Variants in ZNF460 observed in about 807,000 individuals in gnomAD.
ZNF460 encodes zinc finger protein 460.
Under a neutral mutation model 8.4 loss-of-function variants are expected in ZNF460, and 1 was observed. The observed-to-expected ratio is 0.12, with a 90% CI of 0.04 to 0.56. The LOEUF is 0.56. Ranked by LOEUF, ZNF460 falls within the 20% of genes least tolerant of loss-of-function variation. The probability of loss-of-function intolerance (pLI) is 0.91; values close to 1 mark genes in which losing one functional copy is unlikely to be tolerated. For synonymous variants in ZNF460, 262 were observed against 259.9 expected (o/e 1.01, Z -0.08); for missense variants, 477 against 714.8 (o/e 0.67, Z 3.79).
intron 2 of ZNF460, among the ~76,000 whole-genome samples, chr19:57,285,864 C>T (rs937806392): frequency 2.6e-5 from 4 of 152,266 alleles, no homozygotes; most frequent in Middle Eastern, 3.4e-3. Flanking sequence ...TGGCACCACA[C>T]GGGGGTGTTC....
chr19:57,290,526 C>T (rs921067232), intron 2 of ZNF460, among the ~76,000 whole-genome samples, 173 bp from the exon 3 acceptor site: 1 of 151,880 alleles, frequency 6.6e-6, no homozygotes, highest in African/African-American at 2.4e-5. Context: ...GATCCGCCTG[C>T]CTTGGCCTCC....
rs1451191791 is a variant in ZNF460, at chr19:57,293,884, A to C, written c.*1654A>C. 1 of 152,134 alleles carries C rather than the reference A, an allele frequency of 6.6e-6. No individual in the cohort carries two copies. Among genetic ancestry groups the C allele is most frequent in the Non-Finnish European group, 1.5e-5 (1 of 68,018 alleles). The allele number at this position is 152,134 out of a possible 1,614,324, so 9.4% of individuals were successfully genotyped here. A position where few individuals can be genotyped will look rare whatever the true frequency, so the allele number is the denominator to read the frequency against. On this transcript the variant is annotated 3_prime_UTR_variant, in exon 3 of 3. Coordinates refer to ENST00000360338, the MANE Select transcript of ZNF460 (RefSeq NM_006635.4). ...TTTCTGTGTCTAGCTTATTTCACTT[A>C]ATGTCTTTCAAGCTCATTCATGTTG...
At chr19:57,289,595 TAGA>T (rs1202303621) in intron 2 of ZNF460, among the ~76,000 whole-genome samples, 1 of 152,172 alleles carries the variant, frequency 6.6e-6, no homozygotes, top group East Asian at 1.9e-4. Flanking sequence ...AAGCTTATGA[TAGA>T]GTGTCATCAT....
At chr19:57,286,820 C>T (rs2087882459) in intron 2 of ZNF460, among the ~76,000 whole-genome samples, 1 of 151,916 alleles carries the variant, frequency 6.6e-6, no homozygotes, top group Admixed American at 6.6e-5. Flanking sequence ...AACAATTAGC[C>T]AGGCGTGGCG....
chr19:57,284,441 G>C, intron 1 of ZNF460, 110 bp from the exon 2 acceptor site: 2 of 1,393,134 alleles, frequency 1.4e-6, no homozygotes, highest in East Asian at 4.8e-5. Flanking sequence ...GAGGTGCTTG[G>C]TGATTTGGCC....
At chr19:57,283,944 C>T (rs2087860700) in intron 1 of ZNF460, among the ~76,000 whole-genome samples, 1 of 152,064 alleles carries the variant, frequency 6.6e-6, no homozygotes, top group Non-Finnish European at 1.5e-5. Flanking sequence ...GAGTCTGGCT[C>T]CTGAGCTGGG....
chr19:57,290,395 A>G (rs2087908321), intron 2 of ZNF460, among the ~76,000 whole-genome samples: 1 of 151,886 alleles, frequency 6.6e-6, no homozygotes, highest in South Asian at 2.1e-4. Flanking sequence ...CTCCTGTCTC[A>G]GCCTCCCCAG....
intron 1 of ZNF460, chr19:57,282,048 G>A (rs2087844334): frequency 6.6e-6 from 1 of 152,228 alleles, no homozygotes; most frequent in East Asian, 1.9e-4. Flanking sequence ...GAGACCTAAA[G>A]TAACCTTTGC....
rs113172062 is a variant in ZNF460 at position 57,288,833 on chromosome 19, C to G, written c.158-1866C>G. Reference sequence around the variant, plus strand: ...CTTCATCAGTTATCTCATAGCCCATCCTTTTTACTCTTACATACTCTCCAA... The same window carrying G: ...CTTCATCAGTTATCTCATAGCCCATGCTTTTTACTCTTACATACTCTCCAA... On this transcript the variant is annotated intron_variant, in intron 2 of 2. Transcript: ENST00000360338. 7.5e-3 allele frequency among the ~76,000 whole-genome samples: 1,141 copies of G among 151,790 alleles called. 5 individuals carry two copies. The highest frequency in any genetic ancestry group is 0.012 in the Non-Finnish European group (839 of 67,946).
rs1352833581 is a variant in ZNF460, at chr19:57,293,111, T to TCCAG, written c.*882_*885dup. 6.6e-6 allele frequency: 1 copy of TCCAG among 152,244 alleles called. No homozygotes were observed. Among genetic ancestry groups the TCCAG allele is most frequent in the Non-Finnish European group, 1.5e-5 (1 of 68,048 alleles). The allele number at this position is 152,244 out of a possible 1,614,324, so 9.4% of individuals were successfully genotyped here. A position where few individuals can be genotyped will look rare whatever the true frequency, so the allele number is the denominator to read the frequency against. On this transcript the variant is annotated 3_prime_UTR_variant, in exon 3 of 3. Transcript: ENST00000360338. The stretch of plus-strand genomic sequence containing the variant: ...TTGTAGCTGTTTGTACATAATGTAA[T>TCCAG]CCAGGGAGTCCTAATTCTTCCCTCT...
chr19:57,289,412 ACT>A lies in ZNF460; in HGVS notation c.158-1284_158-1283del, dbSNP rs769321139. On this transcript the variant is annotated intron_variant, in intron 2 of 2. Coordinates refer to ENST00000360338, the MANE Select transcript of ZNF460 (RefSeq NM_006635.4). ...CTGCAGTCCTCTGGATTCGCTGAAG[ACT>A]CTGTGTCTTTGTATATTCTATGTCC... 6.6e-5 allele frequency among the ~76,000 whole-genome samples: 10 copies of A among 151,864 alleles called. No homozygotes were observed. In the East Asian group the frequency reaches 1.9e-3, roughly 29 times the overall value.
At position 57,291,879 on chromosome 19, in the gene ZNF460, G is replaced by A. The variant is rs2087920406; in HGVS notation, c.1338G>A (p.Lys446=). 6.2e-7 allele frequency: 1 copy of A among 1,614,044 alleles called. No individual in the cohort carries two copies. Among genetic ancestry groups the A allele is most frequent in the Admixed American group, 1.7e-5 (1 of 60,002 alleles). The change falls in exon 3 of 3, where the codon AAG becomes AAA. Residue 446 remains lysine (K), a synonymous_variant. Transcript: ENST00000360338. The surrounding 1 kb of genome is among the most constrained non-coding windows in gnomAD (Gnocchi z 8.4). Reference sequence around the variant, plus strand: ...ACCAGTGGATTCATACTGGAGAGAAGCCGTATGTATGCATCCAATGTGGGA... The same window carrying A: ...ACCAGTGGATTCATACTGGAGAGAAACCGTATGTATGCATCCAATGTGGGA... The part of the protein sequence containing the change: ...TRHQWIHTGE[K]PYVCIQCGKA...
rs531411071 is a variant in ZNF460, at chr19:57,291,857, A to T, written c.1316A>T (p.Gln439Leu). The change falls in exon 3 of 3, where the codon CAG (glutamine) becomes CTG (leucine). Residue 439 changes from glutamine to leucine, a missense_variant. Around this residue, in one of 5 missense-constraint regions of ZNF460, gnomAD observed 193 missense variants for 391.7 expected, o/e 0.49. Transcript: ENST00000360338. This position sits in a 1 kb window ranked among gnomAD's most constrained non-coding sequence, Gnocchi z 8.4. The part of the protein sequence containing the change: ...FTRMSGLTRH[Q>L]WIHTGEKPYV... ...CGCATGTCAGGGCTCACAAGGCACC[A>T]GTGGATTCATACTGGAGAGAAGCCG... 1 of 1,614,210 alleles carries T rather than the reference A, an allele frequency of 6.2e-7. No individual in the cohort carries two copies. Among genetic ancestry groups the T allele is most frequent in the South Asian group, 1.1e-5 (1 of 91,086 alleles).
At position 57,280,712 on chromosome 19, in the gene ZNF460, G is replaced by A; in HGVS notation, c.-95G>A. On this transcript the variant is annotated 5_prime_UTR_variant, in exon 1 of 3. Coordinates refer to ENST00000360338, the MANE Select transcript of ZNF460 (RefSeq NM_006635.4). ...TTGGGCCTTGTGCGCATTTTTTTCG[G>A]GGGAAAACTGAGGCTCGGAGTGCGA... The A allele has an allele frequency of 1.3e-6, 2 of 1,554,302 alleles. No homozygotes were observed. The highest frequency in any genetic ancestry group is 1.7e-6 in the Non-Finnish European group (2 of 1,143,316).
intron 1 of ZNF460, among the ~76,000 whole-genome samples, chr19:57,281,124 G>A (rs549754401): frequency 6.6e-6 from 1 of 152,136 alleles, no homozygotes; most frequent in South Asian, 2.1e-4. Flanking sequence ...CATCCACCTG[G>A]CCAACCACCC....
chr19:57,290,205 C>G (rs575640943), intron 2 of ZNF460, among the ~76,000 whole-genome samples: 1 of 152,328 alleles, frequency 6.6e-6, no homozygotes. Context: ...ACCTTGGAAG[C>G]TGAGGTGGGC....
Position 57,291,687 on chromosome 19 carries a change from T to C in ZNF460, c.1146T>C (p.His382=), listed in dbSNP as rs146522970. ...CTCACTATTCCACCTATGTCCTGCATGAAAGAGCCCACACTGGAGAAAAGC... is the reference window on the plus strand; with the variant it reads ...CTCACTATTCCACCTATGTCCTGCACGAAAGAGCCCACACTGGAGAAAAGC... ...AFTHYSTYVL[H]ERAHTGEKPF... The change falls in exon 3 of 3, where the codon CAT becomes CAC. Residue 382 remains histidine (H), a synonymous_variant. Coordinates refer to ENST00000360338, the MANE Select transcript of ZNF460 (RefSeq NM_006635.4). The surrounding 1 kb of genome is among the most constrained non-coding windows in gnomAD (Gnocchi z 8.4). The C allele has an allele frequency of 2.9e-4, 471 of 1,614,050 alleles. No homozygotes were observed. Among genetic ancestry groups the C allele is most frequent in the Non-Finnish European group, 3.8e-4 (454 of 1,179,970 alleles).
Position 57,280,810 on chromosome 19 carries a change from G to A in ZNF460, c.4G>A (p.Ala2Thr). The A allele has an allele frequency of 6.2e-7, 1 of 1,614,114 alleles. No homozygotes were observed. The highest frequency in any genetic ancestry group is 8.5e-7 in the Non-Finnish European group (1 of 1,179,988). Residue 2 changes from alanine to threonine, a missense_variant, in exon 1 of 3, where the codon GCG becomes ACG. By Grantham distance (58) the Ala-to-Thr change is moderately conservative. This residue lies in a region of ZNF460 where 22 missense variants were observed against 22.3 expected (regional missense o/e 0.99). Coordinates refer to ENST00000360338, the MANE Select transcript of ZNF460 (RefSeq NM_006635.4). Reference protein sequence around the residue: MAAAWMAPAQES... With the variant: MTAAWMAPAQES... ...GCTGATCCGCGGCATTCCCGGGATG[G>A]CGGCGGCGTGGATGGCTCCGGCGCA... is the stretch of plus-strand genomic sequence containing the variant.
rs944780053 is a variant in ZNF460 at position 57,294,047 on chromosome 19, T to C, written c.*1817T>C. On this transcript the variant is annotated 3_prime_UTR_variant, in exon 3 of 3. Coordinates refer to ENST00000360338, the MANE Select transcript of ZNF460 (RefSeq NM_006635.4). Reference sequence around the variant, plus strand: ...ATTATGAATAGTGCTTCAATAAACATAGGAGTGTAGATCTCTCTTTGACGT... The same window carrying C: ...ATTATGAATAGTGCTTCAATAAACACAGGAGTGTAGATCTCTCTTTGACGT... The C allele has an allele frequency of 6.6e-6, 1 of 152,180 alleles. No homozygotes were observed. The highest frequency in any genetic ancestry group is 6.5e-5 in the Admixed American group (1 of 15,268). 9.4% of individuals were successfully genotyped at this position (152,180 alleles called of 1,614,324 possible). A position where few individuals can be genotyped will look rare whatever the true frequency, so the allele number is the denominator to read the frequency against.
Sources: allele counts gnomAD v4.1 joint callset (sites outside exome capture counted in the v4.1 genomes callset), GRCh38; gene constraint gnomAD v4.1.1; regional missense constraint gnomAD v4.1.1; non-coding constraint Gnocchi (gnomAD v3.1); transcripts MANE v1.5; gene names NCBI Gene and HGNC (gene_info 2026-07-23, HGNC 2026-07-21).